ADARB2: variants seen among roughly 807,000 people sequenced by gnomAD.
The protein encoded by ADARB2 is adenosine deaminase RNA specific B2 (inactive).
In ADARB2, 25 loss-of-function variants were observed where a neutral mutation model predicts 62.2. The observed-to-expected ratio is 0.40, with a 90% CI of 0.29 to 0.56. ADARB2 has a LOEUF of 0.56. ADARB2 is among the 20% of genes least tolerant of loss of function. The pLI is 0.43. For missense variants in ADARB2, 1,071 were observed against 1,077.4 expected (o/e 0.99, Z 0.08); for synonymous variants, 572 against 500.8 (o/e 1.14, Z -1.90).
rs1198228967 is a variant in ADARB2 at position 1,363,823 on chromosome 10, G to C, written c.282C>G (p.Pro94=). The C allele has an allele frequency of 1.3e-6, 2 of 1,579,216 alleles. No individual in the cohort carries two copies. Among genetic ancestry groups the C allele is most frequent in the Non-Finnish European group, 1.7e-6 (2 of 1,170,390 alleles). ...CCAGCGGCCGCTTCCTCTTCGCGCC[G>C]GGCGCGCCGCCCCGGGCCCGGTCCC... ...PSGDRARGGA[P]GAKRKRPLEE... is the part of the protein sequence containing the mutation. The change falls in exon 3 of 10, where the codon CCC becomes CCG. Residue 94 remains proline (P), a synonymous_variant. Coordinates refer to ENST00000381312, the MANE Select transcript of ADARB2 (RefSeq NM_018702.4).
chr10:1,699,525 C>G, intron 1 of ADARB2, among the ~76,000 whole-genome samples: 1 of 117,664 alleles, frequency 8.5e-6, no homozygotes, highest in East Asian at 2.6e-4. Flanking sequence ...GGAGACCAGG[C>G]GCTCGCCAAT....
chr10:1,407,418 C>T (rs1035068257), intron 1 of ADARB2, among the ~76,000 whole-genome samples: 2 of 152,196 alleles, frequency 1.3e-5, no homozygotes, highest in African/African-American at 4.8e-5. Context: ...CTGGCTTAAC[C>T]CCTGGCGGTG....
intron 1 of ADARB2, among the ~76,000 whole-genome samples, chr10:1,460,839 C>T (rs1184629104): frequency 7.9e-6 from 1 of 127,238 alleles, no homozygotes; most frequent in African/African-American, 3.2e-5. Flanking sequence ...GCAAACCTGC[C>T]TGTGACCTGA....
At chr10:1,252,409 T>G (rs983108548) in intron 4 of ADARB2, among the ~76,000 whole-genome samples, 2 of 152,236 alleles carry the variant, frequency 1.3e-5, no homozygotes, top group Non-Finnish European at 2.9e-5. Context: ...TTCCACAGCT[T>G]GCCTTGAGAA....
chr10:1,582,647 G>A (rs1453617828), intron 1 of ADARB2, among the ~76,000 whole-genome samples: 1 of 152,176 alleles, frequency 6.6e-6, no homozygotes. Context: ...CAGTGCCAGT[G>A]CATGAACTCA....
intron 1 of ADARB2, among the ~76,000 whole-genome samples, chr10:1,386,734 T>G (rs1421212640): frequency 6.6e-6 from 1 of 151,942 alleles, no homozygotes; most frequent in East Asian, 1.9e-4. Context: ...CTCCCCTAGT[T>G]ACTGATAGAA....
intron 3 of ADARB2, among the ~76,000 whole-genome samples, chr10:1,346,047 C>A (rs549125699): frequency 6.2e-4 from 94 of 151,974 alleles, no homozygotes; most frequent in African/African-American, 2.0e-3. Flanking sequence ...AGGAAAATGC[C>A]CTGTATTTTT....
chr10:1,332,344 A>T (rs1252974638), intron 3 of ADARB2, among the ~76,000 whole-genome samples: 1 of 150,826 alleles, frequency 6.6e-6, no homozygotes, highest in Non-Finnish European at 1.5e-5. Context: ...TGAGCCCGGG[A>T]GGTTGAGGCT....
rs1342715881 is a variant in ADARB2 at position 1,329,858 on chromosome 10, C to T, written c.1077+33170G>A. The stretch of plus-strand genomic sequence containing the variant: ...TGGTTATCCCGATTTGCTGATGCTC[C>T]TCATGAAGGCTCCGGACCAGGGGCT... On this transcript the variant is annotated intron_variant, in intron 3 of 9. Coordinates refer to ENST00000381312, the MANE Select transcript of ADARB2 (RefSeq NM_018702.4). Among the ~76,000 whole-genome samples the T allele has an allele frequency of 4.0e-5, 6 of 151,178 alleles. No individual in the cohort carries two copies. In the South Asian group the frequency reaches 1.0e-3, roughly 26 times the overall value.
intron 2 of ADARB2, among the ~76,000 whole-genome samples, chr10:1,364,356 C>T (rs979916913): frequency 1.3e-5 from 2 of 152,210 alleles, no homozygotes; most frequent in Non-Finnish European, 2.9e-5. Context: ...GGGGGTCCGG[C>T]CCCCAAACTC....
At chr10:1,660,447 TG>T (rs1436664141) in intron 1 of ADARB2, among the ~76,000 whole-genome samples, 1 of 152,186 alleles carries the variant, frequency 6.6e-6, no homozygotes, top group African/African-American at 2.4e-5. Flanking sequence ...TGGATTAAAC[TG>T]GGGTGGAATG....
At chr10:1,315,609 G>C (rs940650918) in intron 3 of ADARB2, among the ~76,000 whole-genome samples, 8 of 152,236 alleles carry the variant, frequency 5.3e-5, no homozygotes, top group African/African-American at 1.9e-4. Flanking sequence ...GGGAGGTGCC[G>C]TGGTTGCTCC....
At chr10:1,463,742 G>C (rs1411773374) in intron 1 of ADARB2, among the ~76,000 whole-genome samples, 1 of 146,238 alleles carries the variant, frequency 6.8e-6, no homozygotes, top group Non-Finnish European at 1.6e-5. Context: ...AGAATGAAAA[G>C]AGAAGCCACA....
At chr10:1,464,314 C>T (rs77424159) in intron 1 of ADARB2, among the ~76,000 whole-genome samples, 452 of 83,380 alleles carry the variant, frequency 5.4e-3, no homozygotes, top group Non-Finnish European at 7.4e-3. Context: ...GGCAGCGCGC[C>T]GGAGAAGAGG....
At chr10:1,291,180 A>G (rs1341754425) in intron 3 of ADARB2, 1 of 152,242 alleles carries the variant, frequency 6.6e-6, no homozygotes, top group Non-Finnish European at 1.5e-5. Flanking sequence ...GCATCTAAGG[A>G]ACGCCAACCC....
intron 6 of ADARB2, among the ~76,000 whole-genome samples, chr10:1,233,087 C>T (rs1406455684): frequency 1.3e-5 from 2 of 152,076 alleles, no homozygotes; most frequent in African/African-American, 4.8e-5. Context: ...CAAGGGAGAG[C>T]CCCACCCTGC....
chr10:1,538,727 G>T (rs1387518268), intron 1 of ADARB2, among the ~76,000 whole-genome samples: 2 of 152,234 alleles, frequency 1.3e-5, no homozygotes, highest in Admixed American at 6.5e-5. Context: ...GCCACTAGAG[G>T]ACGTCACAAC....
chr10:1,667,398 A>T (rs1336281175), intron 1 of ADARB2, among the ~76,000 whole-genome samples: 1 of 152,258 alleles, frequency 6.6e-6, no homozygotes, highest in Non-Finnish European at 1.5e-5. Context: ...CACATATAGG[A>T]TATGTAAAAT....
At chr10:1,234,534 G>C (rs1447913543) in intron 5 of ADARB2, among the ~76,000 whole-genome samples, 2 of 151,218 alleles carry the variant, frequency 1.3e-5, no homozygotes, top group East Asian at 4.0e-4. Context: ...TCAGCTTCCT[G>C]GGCTCAAGTG....
Sources: gnomAD v4.1 joint callset for allele counts (sites outside exome capture counted in the v4.1 genomes callset) on GRCh38, gnomAD v4.1.1 for gene constraint, MANE v1.5 for transcripts, NCBI Gene and HGNC (gene_info 2026-07-23, HGNC 2026-07-21) for gene names.